Variants in KDM5B observed in about 807,000 individuals in gnomAD.
KDM5B encodes lysine-specific demethylase 5B.
In KDM5B, 144 loss-of-function variants were observed where a neutral mutation model predicts 193.4. The ratio of observed to expected loss-of-function variants is 0.74; its 90% CI spans 0.65 to 0.86. The LOEUF is 0.86. Among genes scored for constraint, KDM5B ranks in the 40% least tolerant of loss-of-function variants. The pLI is 0.00. For missense variants in KDM5B, 1,833 were observed against 1,886.9 expected (o/e 0.97, Z 0.53); for synonymous variants, 668 against 682.6 (o/e 0.98, Z 0.33).
intron 1 of KDM5B, among the ~76,000 whole-genome samples, chr1:202,787,612 G>A (rs866289945): frequency 1.5e-4 from 23 of 152,118 alleles, no homozygotes; most frequent in South Asian, 1.0e-3. Flanking sequence ...AGTAGGCCGG[G>A]TGCGGTGGCT....
At position 202,778,188 on chromosome 1, in the gene KDM5B, T is replaced by A. The variant is rs549671039; in HGVS notation, c.205-1094A>T. Among the ~76,000 whole-genome samples the A allele has an allele frequency of 5.5e-4, 84 of 151,538 alleles. 1 individual carries two copies. The highest frequency in any genetic ancestry group is 1.1e-3 in the Non-Finnish European group (77 of 67,828). On this transcript the variant is annotated intron_variant, in intron 1 of 26. Transcript: ENST00000367265. ...AGACTTCACCTCAAAAAAAAAAAAA[T>A]TTGTCCTTAATATGTATACTCGTAT...
intron 1 of KDM5B, among the ~76,000 whole-genome samples, chr1:202,789,850 C>CAA (rs1657572342): frequency 2.0e-5 from 3 of 152,030 alleles, no homozygotes; most frequent in Non-Finnish European, 2.9e-5. Flanking sequence ...TGGCACGTGC[C>CAA]TGTAGTCCCA....
At chr1:202,779,490 GA>G (rs1309309413) in intron 1 of KDM5B, among the ~76,000 whole-genome samples, 2 of 139,330 alleles carry the variant, frequency 1.4e-5, no homozygotes, top group Admixed American at 7.1e-5. Context: ...AAAAAAAAAA[GA>G]AAAAAAAGAA....
At chr1:202,785,696 G>A (rs1050680518) in intron 1 of KDM5B, among the ~76,000 whole-genome samples, 7 of 152,154 alleles carry the variant, frequency 4.6e-5, no homozygotes, top group Non-Finnish European at 1.0e-4. Context: ...CAGATCATGA[G>A]GTCAGGAGTT....
rs1658353795 is a variant in KDM5B, at chr1:202,807,562, C to G, written c.204+540G>C. The stretch of plus-strand genomic sequence containing the variant: ...CGCCCAGGTGAGGGCCGCTCCGGGC[C>G]GACGCCGCCACCACACAAAGGACCA... On this transcript the variant is annotated intron_variant, in intron 1 of 26. Transcript: ENST00000367265. Among the ~76,000 whole-genome samples, 3 of 151,996 alleles carry G rather than the reference C, an allele frequency of 2.0e-5. No homozygotes were observed. The South Asian group carries it at 6.2e-4, about 32-fold the overall frequency.
rs1367952443 is a variant in KDM5B at position 202,741,353 on chromosome 1, G to C, written c.2945+14C>G. 4.6e-6 allele frequency: 7 copies of C among 1,506,388 alleles called. No homozygotes were observed. The highest frequency in any genetic ancestry group is 5.3e-6 in the Non-Finnish European group (6 of 1,124,616). The allele number at this position is 1,506,388 out of a possible 1,614,324, so 93.3% of individuals were successfully genotyped here. ...GTCCAACCTTCCCAAAGAAAGAGAA[G>C]TCTGCTTTTTCACCTGGCCTTGAGG... On this transcript the variant is annotated intron_variant, in intron 19 of 26. Coordinates refer to ENST00000367265, the MANE Select transcript of KDM5B (RefSeq NM_006618.5).
intron 1 of KDM5B, among the ~76,000 whole-genome samples, chr1:202,797,642 G>T (rs12117835): frequency 0.17 from 25,703 of 152,032 alleles, 2,693 homozygotes; most frequent in Middle Eastern, 0.33. Flanking sequence ...GACCCCTCCT[G>T]TCAGACATGA....
chr1:202,772,144 T>C (rs575479015), intron 4 of KDM5B, among the ~76,000 whole-genome samples: 1 of 152,272 alleles, frequency 6.6e-6, no homozygotes, highest in African/African-American at 2.4e-5. Flanking sequence ...CCTACCTCTC[T>C]ACAGCACAGA....
rs1572707071 is a variant in KDM5B at position 202,735,287 on chromosome 1, A to C, written c.3423+142T>G. 26 of 841,120 alleles carry C rather than the reference A, an allele frequency of 3.1e-5. No individual in the cohort carries two copies. In the East Asian group the frequency reaches 6.7e-4, roughly 22 times the overall value. 52.1% of individuals were successfully genotyped at this position (841,120 alleles called of 1,614,324 possible). ...TACCATTCAAAACTCTTAACACTTG[A>C]CAATTTTCAAAAAGTCTTTTTAGTA... On this transcript the variant is annotated intron_variant, in intron 22 of 26. Coordinates refer to ENST00000367265, the MANE Select transcript of KDM5B (RefSeq NM_006618.5).
chr1:202,773,067 G>A (rs1656786466), intron 4 of KDM5B, 51 bp downstream of exon 4: 1 of 1,235,720 alleles, frequency 8.1e-7, no homozygotes, highest in Non-Finnish European at 1.2e-6. Context: ...AAAAGACAAT[G>A]TACCAATAAG....
At chr1:202,749,423 G>A (rs924112286) in intron 13 of KDM5B, among the ~76,000 whole-genome samples, 2 of 152,078 alleles carry the variant, frequency 1.3e-5, no homozygotes, top group African/African-American at 2.4e-5. Flanking sequence ...CGGGTGTGGC[G>A]GTGCACGCCT....
chr1:202,740,975 C>A (rs945075616), intron 19 of KDM5B, among the ~76,000 whole-genome samples, 163 bp from the exon 20 acceptor site: 2 of 152,156 alleles, frequency 1.3e-5, no homozygotes, highest in African/African-American at 4.8e-5. Flanking sequence ...TGTTTTCTTG[C>A]AGAACAGTGC....
intron 1 of KDM5B, among the ~76,000 whole-genome samples, chr1:202,797,574 T>C (rs1240588092): frequency 6.6e-6 from 1 of 152,252 alleles, no homozygotes; most frequent in African/African-American, 2.4e-5. Flanking sequence ...CTGCCACTTC[T>C]ACTTTTCTCC....
At chr1:202,752,241 A>G (rs950837623) in intron 12 of KDM5B, among the ~76,000 whole-genome samples, 5 of 152,240 alleles carry the variant, frequency 3.3e-5, no homozygotes, top group Admixed American at 1.3e-4. Flanking sequence ...CCACATATCA[A>G]TGGTGATCTG....
At chr1:202,762,527 T>C (rs1026654746) in intron 7 of KDM5B, among the ~76,000 whole-genome samples, 172 bp downstream of exon 7, 3 of 152,236 alleles carry the variant, frequency 2.0e-5, no homozygotes, top group African/African-American at 7.2e-5. Flanking sequence ...TCCTCATTTA[T>C]TAACTAACAC....
intron 5 of KDM5B, 47 bp from the exon 6 acceptor site, chr1:202,764,192 A>T: frequency 9.9e-7 from 1 of 1,010,068 alleles, no homozygotes; most frequent in Non-Finnish European, 1.5e-6. Flanking sequence ...AAGAAGAAAT[A>T]ATCTTTAAAA....
Position 202,728,939 on chromosome 1 carries a change from T to C in KDM5B, c.*97A>G, listed in dbSNP as rs1654768943. The C allele has an allele frequency of 7.0e-7, 1 of 1,429,944 alleles. No individual in the cohort carries two copies. The highest frequency in any genetic ancestry group is 1.4e-5 in the African/African-American group (1 of 71,102). The allele number at this position is 1,429,944 out of a possible 1,614,324, so 88.6% of individuals were successfully genotyped here. A position where few individuals can be genotyped will look rare whatever the true frequency, so the allele number is the denominator to read the frequency against. ...GAAATAGCACCGTTTACAGGCTGGC[T>C]TGAGTACCAGTCCTGTAGCTTTGCT... On this transcript the variant is annotated 3_prime_UTR_variant, in exon 27 of 27. Coordinates refer to ENST00000367265, the MANE Select transcript of KDM5B (RefSeq NM_006618.5).
chr1:202,754,857 A>G (rs1196512218), intron 11 of KDM5B, among the ~76,000 whole-genome samples: 6 of 152,054 alleles, frequency 3.9e-5, no homozygotes, highest in Non-Finnish European at 8.8e-5. Context: ...GCTAATTTTC[A>G]TATTTTTAGT....
At chr1:202,782,823 C>T (rs867464903) in intron 1 of KDM5B, among the ~76,000 whole-genome samples, 1 of 152,290 alleles carries the variant, frequency 6.6e-6, no homozygotes. Flanking sequence ...ACATGCAGTT[C>T]CATATAAATT....
Sources: gnomAD v4.1 joint callset for allele counts (sites outside exome capture counted in the v4.1 genomes callset) on GRCh38, gnomAD v4.1.1 for gene constraint, MANE v1.5 for transcripts, NCBI Gene and HGNC (gene_info 2026-07-23, HGNC 2026-07-21) for gene names.